MED13: variants seen among roughly 807,000 people sequenced by gnomAD.
MED13 encodes mediator complex subunit 13.
MED13 carries 23 observed loss-of-function variants against 225.2 expected under a neutral mutation model. The observed-to-expected ratio is 0.10, with a 90% confidence interval of 0.07 to 0.14. The LOEUF (loss-of-function observed/expected upper bound fraction) is 0.14, where lower values mean the gene tolerates loss of function less well. Ranked by LOEUF, MED13 falls within the 10% of genes least tolerant of loss-of-function variation. The pLI is 1.00. For missense variants in MED13, 2,197 were observed against 2,594.5 expected, an observed-to-expected ratio of 0.85 and a Z score of 3.33; for synonymous variants, 942 against 889.2, an observed-to-expected ratio of 1.06 and a Z score of -1.06.
chr17:61,961,471 G>C (rs2079998935), intron 22 of MED13, 117 bp downstream of exon 22: 1 of 881,080 alleles, frequency 1.1e-6, no homozygotes, highest in Non-Finnish European at 1.7e-6. Flanking sequence ...GGTGAGCTGA[G>C]ATTGCCCCAC....
At chr17:61,983,601 G>A (rs987990748) in intron 15 of MED13, among the ~76,000 whole-genome samples, 1 of 152,146 alleles carries the variant, frequency 6.6e-6, no homozygotes, top group African/African-American at 2.4e-5. Context: ...AATGTGAAAA[G>A]TGTGGAAAAG....
intron 9 of MED13, among the ~76,000 whole-genome samples, chr17:61,999,719 C>CTA (rs2080377453): frequency 1.3e-5 from 2 of 152,020 alleles, no homozygotes; most frequent in South Asian, 4.1e-4. Flanking sequence ...TTCTATAATG[C>CTA]TATACTAGTT....
At chr17:61,969,694 T>G (rs1240425385) in intron 17 of MED13, among the ~76,000 whole-genome samples, 3 of 152,128 alleles carry the variant, frequency 2.0e-5, no homozygotes, top group African/African-American at 7.2e-5. Context: ...CTCCACCTCC[T>G]GGGTTCAAGC....
chr17:62,028,989 C>T (rs958042567), intron 8 of MED13, among the ~76,000 whole-genome samples: 28 of 152,170 alleles, frequency 1.8e-4, no homozygotes, highest in Admixed American at 1.8e-3. Context: ...GATCCCCTCT[C>T]TACGAATTTT....
rs11291859 is a variant in MED13 at position 62,034,486 on chromosome 17, C to CA, written c.617-503dup. On this transcript the variant is annotated intron_variant, in intron 4 of 29. Coordinates refer to ENST00000397786, the MANE Select transcript of MED13 (RefSeq NM_005121.3). ...TGGGCAACAGAGGGAGACTTCATCT[C>CA]AAAAAAAAAAAAAAAAAAAATTGTC... Among the ~76,000 whole-genome samples the CA allele has an allele frequency of 2.7e-3, 260 of 96,204 alleles. 2 individuals carry two copies. The highest frequency in any genetic ancestry group is 4.2e-3 in the Non-Finnish European group (186 of 44,376). The allele number at this position is 96,204 out of a possible 152,430, so 63.1% of individuals were successfully genotyped here.
intron 3 of MED13, among the ~76,000 whole-genome samples, chr17:62,047,996 T>G (rs1158199657): frequency 6.8e-6 from 1 of 147,228 alleles, no homozygotes; most frequent in Non-Finnish European, 1.5e-5. Context: ...GGCTCAGAAG[T>G]TGAAGGTACT....
intron 2 of MED13, among the ~76,000 whole-genome samples, chr17:62,059,480 C>G (rs1321416337): frequency 6.6e-6 from 1 of 152,206 alleles, no homozygotes; most frequent in Admixed American, 6.5e-5. Flanking sequence ...CTGTGAAGAG[C>G]AGGCTCAAGC....
chr17:62,058,222 A>C (rs181910279), intron 2 of MED13, among the ~76,000 whole-genome samples: 1 of 151,890 alleles, frequency 6.6e-6, no homozygotes, highest in Non-Finnish European at 1.5e-5. Flanking sequence ...TACAATTTTT[A>C]AAAAAAAGGG....
chr17:61,997,272 T>G (rs972011314), intron 9 of MED13, among the ~76,000 whole-genome samples: 11 of 152,200 alleles, frequency 7.2e-5, no homozygotes, highest in African/African-American at 2.7e-4. Context: ...ATATCATTAT[T>G]ATTCCAAATA....
rs1461712884 is a variant in MED13, at chr17:61,943,948, T to C, written c.*2520A>G. On this transcript the variant is annotated 3_prime_UTR_variant, in exon 30 of 30. Coordinates refer to ENST00000397786, the MANE Select transcript of MED13 (RefSeq NM_005121.3). ...TTACCTATTTAAACAAAACTACCCA[T>C]ATTTGTCTGTGACAGTACATTAGTA... 1 of 152,592 alleles carries C rather than the reference T, an allele frequency of 6.6e-6. No homozygotes were observed. Among genetic ancestry groups the C allele is most frequent in the African/African-American group, 2.4e-5 (1 of 41,460 alleles). The allele number at this position is 152,592 out of a possible 1,614,324, so 9.5% of individuals were successfully genotyped here. A position where few individuals can be genotyped will look rare whatever the true frequency, so the allele number is the denominator to read the frequency against.
At chr17:62,025,786 GT>G (rs766837369) in intron 8 of MED13, among the ~76,000 whole-genome samples, 5 of 152,144 alleles carry the variant, frequency 3.3e-5, no homozygotes, top group African/African-American at 1.2e-4. Flanking sequence ...ATTAGGTGTG[GT>G]TTTTTTAGCT....
rs752279237 is a variant in MED13, at chr17:62,065,195, G to A, written c.11C>T (p.Ser4Phe). ...CAGGCTGGCCCCGTTCGGCACGAAGGAGGCACTCATCGTCCCTCACAGCAG... is the reference window on the plus strand; with the variant it reads ...CAGGCTGGCCCCGTTCGGCACGAAGAAGGCACTCATCGTCCCTCACAGCAG... The part of the protein sequence containing the change: MSA[S>F]FVPNGASLED... The change falls in exon 1 of 30, where the codon TCC (serine) becomes TTC (phenylalanine). Residue 4 changes from serine to phenylalanine, a missense_variant. Transcript: ENST00000397786. The A allele has an allele frequency of 3.8e-6, 6 of 1,576,966 alleles. 1 individual carries two copies. The highest frequency in any genetic ancestry group is 4.8e-5 in the East Asian group (2 of 41,270).
chr17:61,995,065 G>C, intron 10 of MED13, 87 bp downstream of exon 10: 1 of 925,162 alleles, frequency 1.1e-6, no homozygotes, highest in Non-Finnish European at 1.7e-6. Flanking sequence ...GACAAAAGAA[G>C]TGAGATAACT....
At chr17:62,048,398 CAAAAAAAAAAAAAA>C (rs555420453) in intron 3 of MED13, among the ~76,000 whole-genome samples, 1 of 68,082 alleles carries the variant, frequency 1.5e-5, no homozygotes, top group South Asian at 5.8e-4. Context: ...GAGACTGTTT[CAAAAAAAAAAAAAA>C]AAAAAAAAAA....
chr17:61,963,079 GT>G, intron 20 of MED13, 108 bp from the exon 21 acceptor site: 1 of 800,070 alleles, frequency 1.2e-6, no homozygotes, highest in Admixed American at 2.4e-5. Context: ...GGTGAAAGGT[GT>G]CAGAAAGCCT....
Position 61,945,079 on chromosome 17 carries a change from G to A in MED13, c.*1389C>T, listed in dbSNP as rs2079842428. The A allele has an allele frequency of 6.6e-6, 1 of 152,592 alleles. No homozygotes were observed. The highest frequency in any genetic ancestry group is 2.4e-5 in the African/African-American group (1 of 41,422). The allele number at this position is 152,592 out of a possible 1,614,324, so 9.5% of individuals were successfully genotyped here. On this transcript the variant is annotated 3_prime_UTR_variant, in exon 30 of 30. Coordinates refer to ENST00000397786, the MANE Select transcript of MED13 (RefSeq NM_005121.3). ...GTTATAGAAAAGTACAGACTCTGGT[G>A]TTTGGGACTGACATCTCCAAACCAA...
At chr17:62,029,168 G>A (rs1332994059) in intron 8 of MED13, 1 of 164,370 alleles carries the variant, frequency 6.1e-6, no homozygotes, top group African/African-American at 2.4e-5. Context: ...TTTAAAAAAA[G>A]AAAGAACTCT....
At position 61,965,322 on chromosome 17, in the gene MED13, C is replaced by T. The variant is rs2143371720; in HGVS notation, c.4528G>A (p.Ala1510Thr). The change falls in exon 20 of 30, where the codon GCG (alanine) becomes ACG (threonine). Residue 1510 changes from alanine (A) to threonine (T), a missense_variant. Physicochemically the swap from Ala to Thr is moderately conservative, Grantham distance 58 (BLOSUM62 0). Transcript: ENST00000397786. ...GAAGTCACTGTCATAGTGCTGCTCGCTGCAGATGCTAAGGTGGCAGATGGA... is the reference window on the plus strand; with the variant it reads ...GAAGTCACTGTCATAGTGCTGCTCGTTGCAGATGCTAAGGTGGCAGATGGA... Reference protein sequence around the residue: ...NTPSATLASAASSTMTVTSGV... With the variant: ...NTPSATLASATSSTMTVTSGV... The T allele has an allele frequency of 1.2e-6, 2 of 1,614,228 alleles. No individual in the cohort carries two copies. The highest frequency in any genetic ancestry group is 4.5e-5 in the East Asian group (2 of 44,890).
intron 8 of MED13, among the ~76,000 whole-genome samples, chr17:62,015,062 C>G (rs900721777): frequency 6.6e-6 from 1 of 152,128 alleles, no homozygotes; most frequent in African/African-American, 2.4e-5. Flanking sequence ...GAGTCAATGT[C>G]ATGAAAAGGG....
Sources: allele counts gnomAD v4.1 joint callset (sites outside exome capture counted in the v4.1 genomes callset), GRCh38; gene constraint gnomAD v4.1.1; transcripts MANE v1.5; gene names NCBI Gene and HGNC (gene_info 2026-07-23, HGNC 2026-07-21).